The following DENND1A variants were observed in gnomAD, a reference collection of about 807,000 sequenced individuals.
DENND1A encodes the protein DENN domain containing 1A.
DENND1A carries 51 observed loss-of-function variants against 113.7 expected under a neutral mutation model. The observed-to-expected ratio is 0.45, with a 90% CI of 0.36 to 0.57. DENND1A has a LOEUF of 0.57. DENND1A is among the 20% of genes least tolerant of loss of function. DENND1A has a pLI of 0.00. For missense variants in DENND1A, 1,258 were observed against 1,395.9 expected (o/e 0.90, Z 1.57); for synonymous variants, 565 against 570.8 (o/e 0.99, Z 0.14).
chr9:123,542,366 T>C (rs2056353341), intron 13 of DENND1A, among the ~76,000 whole-genome samples: 1 of 152,040 alleles, frequency 6.6e-6, no homozygotes, highest in African/African-American at 2.4e-5. Context: ...AAAGGCAGAG[T>C]CCAGGTTAGC....
Position 123,639,063 on chromosome 9 carries a change from A to AAG in DENND1A, c.619-8588_619-8587insCT, listed in dbSNP as rs1554931716. Among the ~76,000 whole-genome samples, 9 of 146,540 alleles carry AAG rather than the reference A, an allele frequency of 6.1e-5. No individual in the cohort carries two copies. The South Asian group carries it at 9.0e-4, about 15-fold the overall frequency. On this transcript the variant is annotated intron_variant, in intron 9 of 23. Transcript: ENST00000394215. ...GTAAAAAAAAAAAAAAAAAAAAAAA[A>AAG]AAAGAAAGAAAGAAAAAAAAAGAAA...
intron 20 of DENND1A, among the ~76,000 whole-genome samples, chr9:123,404,056 C>T (rs1244080862): frequency 6.6e-6 from 1 of 152,196 alleles, no homozygotes; most frequent in Non-Finnish European, 1.5e-5. Flanking sequence ...CTAGTCCTCC[C>T]AGCAGGGTTC....
intron 2 of DENND1A, among the ~76,000 whole-genome samples, chr9:123,856,475 T>G (rs1476083179): frequency 2.6e-5 from 4 of 152,062 alleles, no homozygotes; most frequent in Non-Finnish European, 4.4e-5. Flanking sequence ...GCAGGGGGTG[T>G]CAGTGTCAAC....
intron 9 of DENND1A, among the ~76,000 whole-genome samples, chr9:123,635,597 T>C (rs1564856505): frequency 6.6e-6 from 1 of 152,386 alleles, no homozygotes; most frequent in Middle Eastern, 3.4e-3. Context: ...GATGTCCAAA[T>C]GTCTCGGACA....
chr9:123,674,512 T>C (rs2063947777), intron 6 of DENND1A, among the ~76,000 whole-genome samples: 1 of 152,234 alleles, frequency 6.6e-6, no homozygotes, highest in Non-Finnish European at 1.5e-5. Context: ...CCTGTTCTAA[T>C]CTGGTGACTA....
chr9:123,457,748 C>A (rs1282223071), intron 14 of DENND1A, 45 bp downstream of exon 14: 2 of 1,539,352 alleles, frequency 1.3e-6, no homozygotes, highest in Admixed American at 1.9e-5. Context: ...CTGCAGAAAT[C>A]CCCGCCAGGG....
At chr9:123,419,430 C>T (rs1395707495) in intron 19 of DENND1A, among the ~76,000 whole-genome samples, 2 of 152,252 alleles carry the variant, frequency 1.3e-5, no homozygotes, top group Non-Finnish European at 2.9e-5. Context: ...CAGGCACATG[C>T]CCCAGTCAAA....
intron 2 of DENND1A, among the ~76,000 whole-genome samples, chr9:123,863,377 T>C (rs1432073908): frequency 2.6e-5 from 4 of 152,258 alleles, no homozygotes; most frequent in East Asian, 1.9e-4. Flanking sequence ...TCAGAGTTAA[T>C]AGTTTCTCCC....
chr9:123,421,215 C>T (rs909886085), intron 19 of DENND1A, among the ~76,000 whole-genome samples: 1 of 150,752 alleles, frequency 6.6e-6, no homozygotes, highest in Non-Finnish European at 1.5e-5. Flanking sequence ...AGGTACCAGG[C>T]CCCGTGCTAG....
intron 21 of DENND1A, chr9:123,401,733 G>C (rs1328652783): frequency 6.2e-7 from 1 of 1,604,434 alleles, no homozygotes; most frequent in South Asian, 1.1e-5. Flanking sequence ...AGGAAAATGG[G>C]ATTATCAGAC....
intron 13 of DENND1A, among the ~76,000 whole-genome samples, chr9:123,499,768 G>C (rs1023825041): frequency 1.3e-5 from 2 of 152,180 alleles, no homozygotes; most frequent in African/African-American, 2.4e-5. Context: ...ATCTTTCAGG[G>C]AAGTGCTGCC....
intron 1 of DENND1A, among the ~76,000 whole-genome samples, chr9:123,896,793 G>C (rs755908042): frequency 7.2e-5 from 11 of 152,112 alleles, no homozygotes; most frequent in Non-Finnish European, 1.6e-4. Context: ...TGAACTTAAA[G>C]AAATGATACA....
In DENND1A at chr9:123,487,958, T is replaced by C. The variant is rs7860702; in HGVS notation, c.994-30061A>G. Among the ~76,000 whole-genome samples, 727 of 152,338 alleles carry C rather than the reference T, an allele frequency of 4.8e-3. 5 individuals carry two copies. Among genetic ancestry groups the C allele is most frequent in the African/African-American group, 0.017 (700 of 41,578 alleles). On this transcript the variant is annotated intron_variant, in intron 13 of 23. Transcript: ENST00000394215. Reference sequence around the variant, plus strand: ...TCCTCTTCCTTCAAGGCCCAGCCAGTGTTGCCTCCCATGTGACCTGAAGCC... The same window carrying C: ...TCCTCTTCCTTCAAGGCCCAGCCAGCGTTGCCTCCCATGTGACCTGAAGCC...
chr9:123,785,278 G>A (rs1022643361), intron 3 of DENND1A, among the ~76,000 whole-genome samples: 1 of 152,074 alleles, frequency 6.6e-6, no homozygotes, highest in African/African-American at 2.4e-5. Flanking sequence ...GACCAGTCCA[G>A]ATGTTTGAGG....
At chr9:123,628,512 G>C (rs950333507) in intron 10 of DENND1A, among the ~76,000 whole-genome samples, 6 of 152,128 alleles carry the variant, frequency 3.9e-5, no homozygotes, top group Non-Finnish European at 8.8e-5. Context: ...GTACAGGGGA[G>C]GGGTCTGGAA....
At chr9:123,662,944 G>C (rs2063319154) in intron 8 of DENND1A, among the ~76,000 whole-genome samples, 1 of 152,016 alleles carries the variant, frequency 6.6e-6, no homozygotes, top group African/African-American at 2.4e-5. Flanking sequence ...AAATCAATAA[G>C]TGATATCTGT....
At chr9:123,500,031 G>A (rs962461259) in intron 13 of DENND1A, among the ~76,000 whole-genome samples, 2 of 152,218 alleles carry the variant, frequency 1.3e-5, no homozygotes, top group African/African-American at 4.8e-5. Flanking sequence ...CTACATAGGG[G>A]TTTAATTACT....
intron 3 of DENND1A, among the ~76,000 whole-genome samples, chr9:123,786,469 A>ATTAC (rs1467111200): frequency 6.6e-6 from 1 of 152,150 alleles, no homozygotes; most frequent in Non-Finnish European, 1.5e-5. Context: ...CTAGACATGC[A>ATTAC]TTACTCTATA....
At chr9:123,573,601 T>G (rs1413246321) in intron 12 of DENND1A, among the ~76,000 whole-genome samples, 2 of 152,152 alleles carry the variant, frequency 1.3e-5, no homozygotes, top group African/African-American at 4.8e-5. Flanking sequence ...CAATTGCTTG[T>G]TACTAGTATA....
Sources: allele counts gnomAD v4.1 joint callset (sites outside exome capture counted in the v4.1 genomes callset), GRCh38; gene constraint gnomAD v4.1.1; transcripts MANE v1.5; gene names NCBI Gene and HGNC (gene_info 2026-07-23, HGNC 2026-07-21).